Variants in CASQ2 observed in about 807,000 individuals in gnomAD.
The protein encoded by CASQ2 is calsequestrin 2, also known as calsequestrin-2.
A neutral mutation model predicts 46.5 loss-of-function variants in CASQ2; 49 were observed. The observed-to-expected ratio is 1.05, with a 90% confidence interval of 0.84 to 1.34. The LOEUF (loss-of-function observed/expected upper bound fraction) is 1.34, where lower values mean the gene tolerates loss of function less well. Among genes scored for constraint, CASQ2 ranks in the 40% most tolerant of loss-of-function variants. The probability of loss-of-function intolerance (pLI) is 0.00; values close to 1 mark genes in which losing one functional copy is unlikely to be tolerated. For synonymous variants in CASQ2, 174 were observed against 168.5 expected (o/e 1.03, Z -0.25); for missense variants, 486 against 481.3 (o/e 1.01, Z -0.09).
intron 1 of CASQ2, among the ~76,000 whole-genome samples, chr1:115,755,059 T>C (rs1390826872): frequency 6.6e-6 from 1 of 152,230 alleles, no homozygotes. Context: ...GCCCACACAT[T>C]GAGAGCTGTG....
intron 7 of CASQ2, among the ~76,000 whole-genome samples, chr1:115,722,188 G>A (rs1344247852): frequency 6.6e-6 from 1 of 152,202 alleles, no homozygotes; most frequent in Non-Finnish European, 1.5e-5. Context: ...CCAGAACGGG[G>A]AGGGAAGGAA....
In CASQ2 at chr1:115,741,407, A is replaced by G. The variant is rs547948099; in HGVS notation, c.320-579T>C. Among the ~76,000 whole-genome samples, 6 of 152,338 alleles carry G rather than the reference A, an allele frequency of 3.9e-5. No individual in the cohort carries two copies. In the South Asian group the frequency reaches 1.2e-3, roughly 32 times the overall value. The stretch of plus-strand genomic sequence containing the variant: ...GACCTCCATCTTGCTTAGCTTCTTC[A>G]GGTCTCAGCTTAGGATTCATTTTTC... On this transcript the variant is annotated intron_variant, in intron 2 of 10. Coordinates refer to ENST00000261448, the MANE Select transcript of CASQ2 (RefSeq NM_001232.4).
chr1:115,761,779 T>C (rs1648970762), intron 1 of CASQ2, among the ~76,000 whole-genome samples: 1 of 152,100 alleles, frequency 6.6e-6, no homozygotes, highest in Non-Finnish European at 1.5e-5. Context: ...TTATGATTCT[T>C]GATCCTGTCA....
At chr1:115,703,301 C>A in intron 9 of CASQ2, among the ~76,000 whole-genome samples, 1 of 152,164 alleles carries the variant, frequency 6.6e-6, no homozygotes, top group East Asian at 1.9e-4. Flanking sequence ...AGAGCCATTT[C>A]CCTCCACCTC....
chr1:115,749,673 G>A (rs1421480893), intron 1 of CASQ2, among the ~76,000 whole-genome samples: 1 of 152,208 alleles, frequency 6.6e-6, no homozygotes, highest in Non-Finnish European at 1.5e-5. Context: ...AGCCAAGGGT[G>A]CCAGGTAGGT....
At chr1:115,748,245 C>T (rs1648454266) in intron 1 of CASQ2, among the ~76,000 whole-genome samples, 1 of 152,114 alleles carries the variant, frequency 6.6e-6, no homozygotes, top group African/African-American at 2.4e-5. Flanking sequence ...ATTTTTATGT[C>T]TTCCTTTCAT....
chr1:115,768,332 G>C lies in CASQ2; in HGVS notation c.210C>G (p.Phe70Leu), dbSNP rs774492523. 2.5e-6 allele frequency: 4 copies of C among 1,612,988 alleles called. No individual in the cohort carries two copies. In the East Asian group the frequency reaches 6.7e-5, roughly 27 times the overall value. ...VSSDKVTQKQ[F>L]QLKEIVLELV... is the part of the protein sequence containing the mutation. ...CCTCAAGCACGATTTCTTTCAGTTGGAACTGTTTTTGCGTGACCTTATCTG... is the reference window on the plus strand; with the variant it reads ...CCTCAAGCACGATTTCTTTCAGTTGCAACTGTTTTTGCGTGACCTTATCTG... The change falls in exon 1 of 11, where the codon TTC becomes TTG. Residue 70 changes from phenylalanine to leucine, a missense_variant. By Grantham distance (22) the Phe-to-Leu change is conservative. Transcript: ENST00000261448.
intron 1 of CASQ2, among the ~76,000 whole-genome samples, chr1:115,746,145 C>A (rs1648381043): frequency 7.1e-6 from 1 of 141,330 alleles, no homozygotes; most frequent in Non-Finnish European, 1.5e-5. Context: ...TAGGTTGTTG[C>A]ATGTATCGAT....
intron 8 of CASQ2, among the ~76,000 whole-genome samples, chr1:115,710,835 G>T (rs776065371): frequency 8.5e-5 from 13 of 152,198 alleles, no homozygotes; most frequent in Non-Finnish European, 1.9e-4. Flanking sequence ...AGGGATGCAC[G>T]TTGAACCAGG....
chr1:115,711,496 G>A (rs1320298903), intron 8 of CASQ2, among the ~76,000 whole-genome samples: 2 of 152,136 alleles, frequency 1.3e-5, no homozygotes, highest in Admixed American at 6.5e-5. Context: ...GTTGGGCAAA[G>A]TGTGTAGGGA....
chr1:115,766,642 C>A (rs768281383), intron 1 of CASQ2, among the ~76,000 whole-genome samples: 2 of 152,112 alleles, frequency 1.3e-5, no homozygotes, highest in Non-Finnish European at 2.9e-5. Flanking sequence ...GGTCTGTGTT[C>A]TTTTTCTCCT....
At chr1:115,751,248 G>C (rs140157643) in intron 1 of CASQ2, among the ~76,000 whole-genome samples, 3 of 152,324 alleles carry the variant, frequency 2.0e-5, no homozygotes, top group Non-Finnish European at 4.4e-5. Flanking sequence ...AAATGCCATA[G>C]TGTAAAGTGT....
At chr1:115,738,157 TA>T in intron 4 of CASQ2, 66 bp downstream of exon 4, 1 of 942,322 alleles carries the variant, frequency 1.1e-6, no homozygotes, top group Non-Finnish European at 1.8e-6. Flanking sequence ...TCTTTTGGGG[TA>T]ACCTGACATA....
Position 115,734,220 on chromosome 1 carries a change from G to C in CASQ2, c.533-1246C>G, listed in dbSNP as rs374830911. On this transcript the variant is annotated intron_variant, in intron 4 of 10. Transcript: ENST00000261448. ...GAGAAGTTGGCTGAGAGCATTTGAAGAATGAATGGAGTGAAAGTAAGGAAG... is the reference window on the plus strand; with the variant it reads ...GAGAAGTTGGCTGAGAGCATTTGAACAATGAATGGAGTGAAAGTAAGGAAG... 1.2e-4 allele frequency among the ~76,000 whole-genome samples: 19 copies of C among 152,326 alleles called. No individual in the cohort carries two copies. In the South Asian group the frequency reaches 3.9e-3, roughly 32 times the overall value.
chr1:115,711,584 C>T (rs1654545157), intron 8 of CASQ2, among the ~76,000 whole-genome samples: 1 of 119,210 alleles, frequency 8.4e-6, no homozygotes, highest in Admixed American at 8.6e-5. Flanking sequence ...AACTCTTACT[C>T]ATTTTAAGAT....
chr1:115,740,907 G>T, intron 2 of CASQ2, 79 bp from the exon 3 acceptor site: 1 of 924,822 alleles, frequency 1.1e-6, no homozygotes. Flanking sequence ...GTCTGGCTGA[G>T]GGTTTCTGGG....
intron 4 of CASQ2, among the ~76,000 whole-genome samples, chr1:115,737,313 T>C (rs1034469941): frequency 6.6e-6 from 1 of 152,156 alleles, no homozygotes; most frequent in Non-Finnish European, 1.5e-5. Context: ...GAATGGGTTG[T>C]TGATGAGGTG....
chr1:115,741,827 G>T (rs766955874), intron 2 of CASQ2, among the ~76,000 whole-genome samples: 6 of 152,164 alleles, frequency 3.9e-5, no homozygotes, highest in Non-Finnish European at 8.8e-5. Flanking sequence ...TAGTCCAATT[G>T]CCTGGCATCC....
intron 1 of CASQ2, 135 bp from the exon 2 acceptor site, chr1:115,745,047 C>G: frequency 1.4e-6 from 1 of 715,566 alleles, no homozygotes; most frequent in East Asian, 2.7e-5. Flanking sequence ...AGTTGAGCAG[C>G]AGCAAAGGAA....
Sources: allele counts gnomAD v4.1 joint callset (sites outside exome capture counted in the v4.1 genomes callset), GRCh38; gene constraint gnomAD v4.1.1; transcripts MANE v1.5; gene names NCBI Gene and HGNC (gene_info 2026-07-23, HGNC 2026-07-21).